Variants in EXOC4 observed in about 807,000 individuals in gnomAD.
EXOC4 encodes the protein SEC8-like 1.
Under a neutral mutation model 107.2 loss-of-function variants are expected in EXOC4, and 71 were observed. The ratio of observed to expected loss-of-function variants is 0.66; its 90% CI spans 0.55 to 0.81. EXOC4 has a LOEUF of 0.81. EXOC4 is among the 30% of genes least tolerant of loss of function. EXOC4 has a pLI of 0.00. For synonymous variants in EXOC4, 456 were observed against 441.2 expected, an observed-to-expected ratio of 1.03 and a Z score of -0.42; for missense variants, 1,108 against 1,189.6, an observed-to-expected ratio of 0.93 and a Z score of 1.01.
chr7:133,648,583 C>T (rs1448384483), intron 10 of EXOC4, among the ~76,000 whole-genome samples: 2 of 152,068 alleles, frequency 1.3e-5, no homozygotes, highest in Non-Finnish European at 1.5e-5. Context: ...TGATATAGTG[C>T]GTGCCATAAA....
Position 133,440,835 on chromosome 7 carries a change from A to G in EXOC4, c.1183-34493A>G, listed in dbSNP as rs144206755. 5.1e-3 allele frequency among the ~76,000 whole-genome samples: 777 copies of G among 152,314 alleles called. 8 individuals are homozygous for G. Among genetic ancestry groups the G allele is most frequent in the Middle Eastern group, 0.01 (3 of 294 alleles). On this transcript the variant is annotated intron_variant, in intron 7 of 17. Coordinates refer to ENST00000253861, the MANE Select transcript of EXOC4 (RefSeq NM_021807.4). ...TAATCTACCCCTTGTTTAGCATATAATCAAGAAATAACCATGGAAGTGGGT... is the reference window on the plus strand; with the variant it reads ...TAATCTACCCCTTGTTTAGCATATAGTCAAGAAATAACCATGGAAGTGGGT...
chr7:133,322,764 T>A (rs1438443305), intron 5 of EXOC4, among the ~76,000 whole-genome samples: 2 of 152,184 alleles, frequency 1.3e-5, no homozygotes, highest in Non-Finnish European at 2.9e-5. Context: ...AGAAAGTCAA[T>A]GGTAGCTTGA....
At chr7:133,932,265 A>G (rs1000905087) in intron 13 of EXOC4, among the ~76,000 whole-genome samples, 1 of 152,244 alleles carries the variant, frequency 6.6e-6, no homozygotes, top group Non-Finnish European at 1.5e-5. Flanking sequence ...CACGCTGGGA[A>G]GAAACTTAAA....
chr7:133,889,114 T>C (rs1248905322), intron 11 of EXOC4, among the ~76,000 whole-genome samples: 1 of 152,174 alleles, frequency 6.6e-6, no homozygotes, highest in East Asian at 1.9e-4. Context: ...TTAAAATAAA[T>C]CATGGAAGGT....
intron 10 of EXOC4, among the ~76,000 whole-genome samples, chr7:133,808,378 T>C (rs1797129921): frequency 6.6e-6 from 1 of 152,200 alleles, no homozygotes; most frequent in South Asian, 2.1e-4. Context: ...AATATGCCTG[T>C]TGCTGCTGTT....
chr7:133,642,217 C>G (rs1333883889), intron 10 of EXOC4, among the ~76,000 whole-genome samples: 2 of 152,012 alleles, frequency 1.3e-5, no homozygotes, highest in African/African-American at 2.4e-5. Flanking sequence ...AGACACTGTC[C>G]TTGGCTTTGT....
chr7:133,261,238 T>TC (rs57143552), intron 1 of EXOC4, among the ~76,000 whole-genome samples: 1 of 151,846 alleles, frequency 6.6e-6, no homozygotes, highest in East Asian at 1.9e-4. Flanking sequence ...AATTTTTTTT[T>TC]CCCTCTTCCT....
At chr7:133,558,448 T>C (rs1800745237) in intron 9 of EXOC4, among the ~76,000 whole-genome samples, 1 of 152,084 alleles carries the variant, frequency 6.6e-6, no homozygotes, top group Admixed American at 6.6e-5. Context: ...TTTCTTTAAT[T>C]AAATGCACAA....
chr7:133,686,567 G>A (rs1404960522), intron 10 of EXOC4, among the ~76,000 whole-genome samples: 1 of 152,106 alleles, frequency 6.6e-6, no homozygotes, highest in African/African-American at 2.4e-5. Context: ...TAAGGACATG[G>A]ACAGTTCTCA....
chr7:133,470,512 G>A (rs758506120), intron 7 of EXOC4, among the ~76,000 whole-genome samples: 2 of 152,074 alleles, frequency 1.3e-5, no homozygotes, highest in Non-Finnish European at 2.9e-5. Context: ...CAACGTAATA[G>A]GTCCTCAGAA....
intron 7 of EXOC4, among the ~76,000 whole-genome samples, chr7:133,445,453 C>A (rs1272368118): frequency 6.6e-6 from 1 of 152,108 alleles, no homozygotes; most frequent in Admixed American, 6.5e-5. Context: ...ATTGTTAGGA[C>A]CAATCTTAGA....
At chr7:134,015,839 C>T (rs1585323515) in intron 17 of EXOC4, among the ~76,000 whole-genome samples, 1 of 146,156 alleles carries the variant, frequency 6.8e-6, no homozygotes, top group East Asian at 2.0e-4. Flanking sequence ...CACGCCACTG[C>T]ACTCCAGCCT....
intron 10 of EXOC4, among the ~76,000 whole-genome samples, chr7:133,730,755 G>A (rs1795309455): frequency 6.6e-6 from 1 of 152,038 alleles, no homozygotes; most frequent in Non-Finnish European, 1.5e-5. Context: ...TACCAACATT[G>A]AATATCAAAC....
intron 10 of EXOC4, among the ~76,000 whole-genome samples, chr7:133,737,622 G>A (rs1195412858): frequency 6.6e-6 from 1 of 152,032 alleles, no homozygotes; most frequent in Non-Finnish European, 1.5e-5. Context: ...ATTAGAAGAT[G>A]GCTTGTGGCT....
intron 7 of EXOC4, among the ~76,000 whole-genome samples, chr7:133,380,917 A>T (rs1796605615): frequency 6.6e-6 from 1 of 152,200 alleles, no homozygotes; most frequent in African/African-American, 2.4e-5. Flanking sequence ...TGAGGCCAAG[A>T]TATGGCAGTG....
intron 10 of EXOC4, among the ~76,000 whole-genome samples, chr7:133,705,502 AT>A (rs1480047228): frequency 6.6e-6 from 1 of 152,230 alleles, no homozygotes; most frequent in African/African-American, 2.4e-5. Flanking sequence ...GTTCCTCCTT[AT>A]CCACAATTTT....
chr7:133,898,053 C>A (rs1799360605), intron 12 of EXOC4, among the ~76,000 whole-genome samples: 1 of 150,866 alleles, frequency 6.6e-6, no homozygotes, highest in African/African-American at 2.4e-5. Flanking sequence ...GCTGTTCTAC[C>A]CTCTACTTCT....
intron 12 of EXOC4, among the ~76,000 whole-genome samples, chr7:133,911,117 G>C (rs1799683676): frequency 6.6e-6 from 1 of 152,106 alleles, no homozygotes; most frequent in Non-Finnish European, 1.5e-5. Context: ...CTTCCTCTTG[G>C]AAACAGATAC....
intron 11 of EXOC4, among the ~76,000 whole-genome samples, chr7:133,884,545 T>G (rs576613872): frequency 9.2e-5 from 14 of 151,512 alleles, no homozygotes; most frequent in Admixed American, 2.0e-4. Flanking sequence ...AAGGAGATGC[T>G]TAAATTATTG....
Sources: allele counts gnomAD v4.1 joint callset (sites outside exome capture counted in the v4.1 genomes callset), GRCh38; gene constraint gnomAD v4.1.1; transcripts MANE v1.5; gene names NCBI Gene and HGNC (gene_info 2026-07-23, HGNC 2026-07-21).